Variants in RBFOX3 observed in about 807,000 individuals in gnomAD.
RBFOX3 encodes the protein RNA binding fox-1 homolog 3.
Under a neutral mutation model 48.7 loss-of-function variants are expected in RBFOX3, and 17 were observed. The observed-to-expected ratio is 0.35, with a 90% CI of 0.24 to 0.52. The LOEUF (loss-of-function observed/expected upper bound fraction) is 0.52. RBFOX3 is among the 20% of genes least tolerant of loss of function. The pLI, the probability that RBFOX3 is intolerant of heterozygous loss-of-function variation, is 0.94. For missense variants in RBFOX3, 382 were observed against 497.5 expected, an observed-to-expected ratio of 0.77 and a Z score of 2.21; for synonymous variants, 212 against 209.5, an observed-to-expected ratio of 1.01 and a Z score of -0.10.
chr17:79,097,195 G>A, intron 11 of RBFOX3, 97 bp downstream of exon 11: 2 of 976,096 alleles, frequency 2.0e-6, no homozygotes, highest in Non-Finnish European at 1.4e-6. Context: ...GGTCTGGAAA[G>A]GCTGCCTAGC....
chr17:79,308,544 C>G (rs1393060959), intron 2 of RBFOX3, among the ~76,000 whole-genome samples: 1 of 152,162 alleles, frequency 6.6e-6, no homozygotes, highest in Non-Finnish European at 1.5e-5. Flanking sequence ...CTCACTCTGC[C>G]GATCTGTGTT....
intron 4 of RBFOX3, among the ~76,000 whole-genome samples, chr17:79,156,821 G>C (rs2045915213): frequency 6.6e-6 from 1 of 152,188 alleles, no homozygotes; most frequent in Non-Finnish European, 1.5e-5. Flanking sequence ...TGGCTTGCTG[G>C]AGTCCTTGGC....
intron 2 of RBFOX3, among the ~76,000 whole-genome samples, chr17:79,455,132 C>T (rs1414943311): frequency 1.2e-4 from 18 of 152,194 alleles, no homozygotes; most frequent in Non-Finnish European, 2.2e-4. Context: ...GCAGCATCCC[C>T]CTCCATGGGA....
At position 79,115,515 on chromosome 17, in the gene RBFOX3, G is replaced by A. The variant is rs2146996449; in HGVS notation, c.201C>T (p.Ile67=). The A allele has an allele frequency of 2.2e-6, 3 of 1,337,268 alleles. No homozygotes were observed. Among genetic ancestry groups the A allele is most frequent in the South Asian group, 4.3e-5 (2 of 46,768 alleles). The allele number at this position is 1,337,268 out of a possible 1,614,324, so 82.8% of individuals were successfully genotyped here. A position where few individuals can be genotyped will look rare whatever the true frequency, so the allele number is the denominator to read the frequency against. ...TTACCGGCACTGTCTGGGTCCCGGC[G>A]ATGGGCTGTGTGCTGGCCTCGGAGC... ...QPGSEASTQP[I]AGTQTVPQTD... The change falls in exon 5 of 15, where the codon ATC becomes ATT. Residue 67 remains isoleucine, a synonymous_variant. Transcript: ENST00000693108.
Position 79,357,463 on chromosome 17 carries a change from A to C in RBFOX3, c.-174-49639T>G, listed in dbSNP as rs572508174. 2.4e-3 allele frequency among the ~76,000 whole-genome samples: 373 copies of C among 152,272 alleles called. 1 individual carries two copies. The highest frequency in any genetic ancestry group is 8.5e-3 in the African/African-American group (354 of 41,550). On this transcript the variant is annotated intron_variant, in intron 2 of 14. Transcript: ENST00000693108. The stretch of plus-strand genomic sequence containing the variant: ...GTCAACATGGTGAAACCCTGTCTCT[A>C]TTAAAAATATAAAAAAAATTAGCTG...
chr17:79,313,980 G>A (rs990933880), intron 2 of RBFOX3, among the ~76,000 whole-genome samples: 5 of 152,182 alleles, frequency 3.3e-5, no homozygotes, highest in African/African-American at 1.2e-4. Context: ...TGCTGGGAGG[G>A]TCCTGCAAAC....
At chr17:79,412,771 CTG>C (rs1568204948) in intron 2 of RBFOX3, among the ~76,000 whole-genome samples, 2 of 149,864 alleles carry the variant, frequency 1.3e-5, no homozygotes, top group African/African-American at 4.9e-5. Context: ...GTTGTGATGT[CTG>C]TGTGGTGTAT....
At chr17:79,315,684 C>G (rs574251127) in intron 2 of RBFOX3, among the ~76,000 whole-genome samples, 1 of 152,360 alleles carries the variant, frequency 6.6e-6, no homozygotes, top group African/African-American at 2.4e-5. Context: ...CCTCTGTGGT[C>G]GACAGCGACA....
At chr17:79,524,831 GC>G (rs1250964036) in intron 1 of RBFOX3, among the ~76,000 whole-genome samples, 1 of 151,752 alleles carries the variant, frequency 6.6e-6, no homozygotes, top group Admixed American at 6.6e-5. Flanking sequence ...ATATGCCTCC[GC>G]CCCACAGCAG....
At chr17:79,528,788 C>G (rs1472444958) in intron 1 of RBFOX3, among the ~76,000 whole-genome samples, 2 of 152,008 alleles carry the variant, frequency 1.3e-5, no homozygotes, top group African/African-American at 4.8e-5. Flanking sequence ...GGAGGGAGGA[C>G]TCTCCCCTAG....
At chr17:79,406,341 G>A (rs1332514999) in intron 2 of RBFOX3, among the ~76,000 whole-genome samples, 4 of 152,132 alleles carry the variant, frequency 2.6e-5, no homozygotes, top group South Asian at 2.1e-4. Context: ...CGTGGCTCCC[G>A]CTGGGGGATC....
At chr17:79,441,110 A>T (rs1434979289) in intron 2 of RBFOX3, among the ~76,000 whole-genome samples, 1 of 152,224 alleles carries the variant, frequency 6.6e-6, no homozygotes, top group Non-Finnish European at 1.5e-5. Flanking sequence ...GCAACCAGAG[A>T]CACAGCGGAA....
At chr17:79,128,379 C>T (rs576704887) in intron 4 of RBFOX3, among the ~76,000 whole-genome samples, 2 of 152,326 alleles carry the variant, frequency 1.3e-5, no homozygotes, top group Admixed American at 1.3e-4. Context: ...GTCCCAGAAG[C>T]AGGTTTTCCC....
the RBFOX3 span, among the ~76,000 whole-genome samples, chr17:79,641,641 C>T: frequency 3.3e-5 from 5 of 152,160 alleles, no homozygotes; most frequent in Non-Finnish European, 7.4e-5. Flanking sequence ...GAAAATCCTG[C>T]CATTTGCAAC....
At chr17:79,120,757 G>C (rs955482446) in intron 4 of RBFOX3, among the ~76,000 whole-genome samples, 11 of 151,858 alleles carry the variant, frequency 7.2e-5, no homozygotes, top group Non-Finnish European at 1.3e-4. Flanking sequence ...TGGATAAATG[G>C]ATAGATGGGT....
Position 79,101,661 on chromosome 17 carries a change from G to A in RBFOX3, c.508-17C>T. The A allele has an allele frequency of 2.6e-6, 4 of 1,550,086 alleles. No homozygotes were observed. The highest frequency in any genetic ancestry group is 2.6e-6 in the Non-Finnish European group (3 of 1,146,058). On this transcript the variant is annotated splice_polypyrimidine_tract_variant and intron_variant, in intron 8 of 14. Coordinates refer to ENST00000693108, the MANE Select transcript of RBFOX3 (RefSeq NM_001350451.2). Reference sequence around the variant, plus strand: ...ATTATTGACCTGTTCAAAGAGGGAAGGAGAGAGAGGAAGAGGGAGGATTAG... The same window carrying A: ...ATTATTGACCTGTTCAAAGAGGGAAAGAGAGAGAGGAAGAGGGAGGATTAG...
chr17:79,122,506 TATC>T (rs2147208974), intron 4 of RBFOX3, among the ~76,000 whole-genome samples: 1 of 152,328 alleles, frequency 6.6e-6, no homozygotes, highest in South Asian at 2.1e-4. Context: ...TACACTGAGA[TATC>T]ATCTCACCCC....
intron 1 of RBFOX3, among the ~76,000 whole-genome samples, chr17:79,549,154 A>G (rs543648685): frequency 9.8e-4 from 150 of 152,350 alleles, no homozygotes; most frequent in African/African-American, 3.2e-3. Flanking sequence ...AGGCTAGGGA[A>G]AGCCTTGCCA....
intron 13 of RBFOX3, 79 bp from the exon 14 acceptor site, chr17:79,094,608 T>A (rs2074778837): frequency 2.2e-6 from 2 of 898,026 alleles, no homozygotes; most frequent in African/African-American, 1.8e-5. Flanking sequence ...GCCTCCCACC[T>A]CCTCCCAGAC....
Sources: gnomAD v4.1 joint callset for allele counts (sites outside exome capture counted in the v4.1 genomes callset) on GRCh38, gnomAD v4.1.1 for gene constraint, MANE v1.5 for transcripts, NCBI Gene and HGNC (gene_info 2026-07-23, HGNC 2026-07-21) for gene names.